DPYD: variants seen among roughly 807,000 people sequenced by gnomAD.
DPYD encodes the protein dihydropyrimidine dehydrogenase.
DPYD carries 109 observed loss-of-function variants against 116.2 expected under a neutral mutation model. That is an observed-to-expected ratio of 0.94 (90% confidence interval 0.80 to 1.10). The LOEUF (loss-of-function observed/expected upper bound fraction) is 1.10. Ranked by LOEUF, DPYD falls within the 50% of genes least tolerant of loss-of-function variation. The pLI is 0.00. For synonymous variants in DPYD, 440 were observed against 432.0 expected (o/e 1.02, Z -0.23); for missense variants, 1,302 against 1,254.5 (o/e 1.04, Z -0.57).
chr1:97,142,397 G>T (rs971226054), intron 20 of DPYD, among the ~76,000 whole-genome samples: 2 of 151,902 alleles, frequency 1.3e-5, no homozygotes, highest in African/African-American at 4.8e-5. Context: ...CCTTCATATG[G>T]TTCTACTACA....
At chr1:97,870,970 A>G (rs1324845875) in intron 2 of DPYD, among the ~76,000 whole-genome samples, 2 of 151,844 alleles carry the variant, frequency 1.3e-5, no homozygotes, top group African/African-American at 4.8e-5. Flanking sequence ...CAAAACTCAC[A>G]TATTTATTTG....
intron 12 of DPYD, 43 bp from the exon 13 acceptor site, chr1:97,515,984 A>G: frequency 6.5e-7 from 1 of 1,550,250 alleles, no homozygotes; most frequent in Non-Finnish European, 8.9e-7. Context: ...TTACATCTAA[A>G]TTGTCCATAT....
chr1:97,899,715 G>A (rs188914674), intron 1 of DPYD, among the ~76,000 whole-genome samples: 13 of 151,928 alleles, frequency 8.6e-5, no homozygotes, highest in South Asian at 8.3e-4. Context: ...ATGGCAATAC[G>A]TAATTTCTTT....
chr1:97,787,126 C>T (rs1329261458), intron 3 of DPYD, among the ~76,000 whole-genome samples: 1 of 152,108 alleles, frequency 6.6e-6, no homozygotes, highest in Non-Finnish European at 1.5e-5. Context: ...AATACTACTA[C>T]AATTTTCAAG....
At chr1:97,794,876 T>C (rs1224647970) in intron 3 of DPYD, among the ~76,000 whole-genome samples, 1 of 152,184 alleles carries the variant, frequency 6.6e-6, no homozygotes, top group Admixed American at 6.5e-5. Flanking sequence ...TTTTATGCTA[T>C]CTTAAATGGT....
chr1:97,875,515 A>AGT (rs1002730314), intron 2 of DPYD, among the ~76,000 whole-genome samples: 3 of 152,054 alleles, frequency 2.0e-5, no homozygotes, highest in Non-Finnish European at 4.4e-5. Flanking sequence ...ATAAGCAGCC[A>AGT]GTTATTATTT....
chr1:97,556,455 C>G (rs1299181000), intron 11 of DPYD, among the ~76,000 whole-genome samples: 1 of 147,120 alleles, frequency 6.8e-6, no homozygotes, highest in African/African-American at 2.5e-5. Context: ...GCTGCACCCA[C>G]TAACTCGTCA....
intron 20 of DPYD, among the ~76,000 whole-genome samples, chr1:97,131,528 G>C (rs990267554): frequency 1.3e-5 from 2 of 152,158 alleles, no homozygotes; most frequent in African/African-American, 4.8e-5. Flanking sequence ...ATGCATTGCT[G>C]GTCCCTGCTA....
At chr1:97,180,506 G>C (rs1253676019) in intron 20 of DPYD, among the ~76,000 whole-genome samples, 2 of 151,878 alleles carry the variant, frequency 1.3e-5, no homozygotes, top group African/African-American at 4.8e-5. Context: ...TAGAAGGAAA[G>C]GTAGGGCATG....
At chr1:97,307,385 T>G (rs1366975474) in intron 16 of DPYD, among the ~76,000 whole-genome samples, 2 of 151,928 alleles carry the variant, frequency 1.3e-5, no homozygotes, top group African/African-American at 2.4e-5. Context: ...TGTAAGAAAG[T>G]TGCTCTTTGC....
intron 13 of DPYD, among the ~76,000 whole-genome samples, chr1:97,486,526 T>G (rs918066884): frequency 6.6e-6 from 1 of 152,148 alleles, no homozygotes; most frequent in Non-Finnish European, 1.5e-5. Flanking sequence ...TAAATCAGTA[T>G]AAGATGTTGG....
At chr1:97,305,466 C>T (rs193159634) in intron 17 of DPYD, 88 bp from the exon 18 acceptor site, 1 of 1,553,792 alleles carries the variant, frequency 6.4e-7, no homozygotes, top group East Asian at 2.3e-5. Context: ...CAGAAAAATG[C>T]ATTCTATTTT....
chr1:97,343,005 C>A (rs1156515708), intron 16 of DPYD, among the ~76,000 whole-genome samples: 2 of 151,922 alleles, frequency 1.3e-5, no homozygotes, highest in Non-Finnish European at 2.9e-5. Context: ...GAAAAAAAAA[C>A]ACTCAAAGAA....
At chr1:97,365,251 A>G (rs529697977) in intron 16 of DPYD, among the ~76,000 whole-genome samples, 1 of 152,324 alleles carries the variant, frequency 6.6e-6, no homozygotes, top group East Asian at 1.9e-4. Context: ...ATTCTAGGCC[A>G]GTCAGATCAC....
chr1:97,144,835 T>G (rs535486126), intron 20 of DPYD, among the ~76,000 whole-genome samples: 17 of 152,346 alleles, frequency 1.1e-4, no homozygotes, highest in Non-Finnish European at 2.4e-4. Flanking sequence ...GATTTATTTT[T>G]TTCTTACAAA....
intron 8 of DPYD, among the ~76,000 whole-genome samples, chr1:97,677,712 G>T (rs1660219503): frequency 6.6e-6 from 1 of 152,126 alleles, no homozygotes; most frequent in Admixed American, 6.5e-5. Context: ...GTTCAGTTGA[G>T]ACATTTAGGA....
chr1:97,162,728 C>T (rs866032462), intron 20 of DPYD, among the ~76,000 whole-genome samples: 3,544 of 152,256 alleles, frequency 0.023, 123 homozygotes, highest in African/African-American at 0.081. Flanking sequence ...TGACTTCAAA[C>T]TATAGTACAA....
At position 97,330,373 on chromosome 1, in the gene DPYD, A is replaced by G. The variant is rs1478898116; in HGVS notation, c.2059-24076T>C. Reference sequence around the variant, plus strand: ...GTATGTGAATGGTAAACAGTAGGGTATCATCAGCCATAATTATCTTATTTG... The same window carrying G: ...GTATGTGAATGGTAAACAGTAGGGTGTCATCAGCCATAATTATCTTATTTG... On this transcript the variant is annotated intron_variant, in intron 16 of 22. Coordinates refer to ENST00000370192, the MANE Select transcript of DPYD (RefSeq NM_000110.4). Among the ~76,000 whole-genome samples the G allele has an allele frequency of 3.3e-5, 5 of 152,332 alleles. No homozygotes were observed. The East Asian group carries it at 9.7e-4, about 29-fold the overall frequency.
chr1:97,579,639 T>C (rs1389980419), intron 10 of DPYD, among the ~76,000 whole-genome samples: 1 of 152,228 alleles, frequency 6.6e-6, no homozygotes, highest in African/African-American at 2.4e-5. Context: ...TGTTTGTCAA[T>C]AATCATTAAT....
Sources: allele counts gnomAD v4.1 joint callset (sites outside exome capture counted in the v4.1 genomes callset), GRCh38; gene constraint gnomAD v4.1.1; transcripts MANE v1.5; gene names NCBI Gene and HGNC (gene_info 2026-07-23, HGNC 2026-07-21).